GABRA3: variants seen among roughly 807,000 people sequenced by gnomAD.
The protein encoded by GABRA3 is gamma-aminobutyric acid receptor subunit alpha-3.
Under a neutral mutation model 30.1 loss-of-function variants are expected in GABRA3, and 10 were observed. The ratio of observed to expected loss-of-function variants is 0.33; its 90% CI spans 0.20 to 0.56. The LOEUF (loss-of-function observed/expected upper bound fraction) is 0.56. Ranked by LOEUF, GABRA3 falls within the 20% of genes least tolerant of loss-of-function variation. The pLI is 0.89. For synonymous variants in GABRA3, 151 were observed against 146.8 expected, an observed-to-expected ratio of 1.03 and a Z score of -0.21; for missense variants, 233 against 392.0, an observed-to-expected ratio of 0.59 and a Z score of 3.42.
At chrX:152,384,218 T>C (rs1385944994) in intron 1 of GABRA3, among the ~76,000 whole-genome samples, 3 of 111,119 alleles carry the variant, frequency 2.7e-5, no homozygotes, top group East Asian at 2.8e-4. Flanking sequence ...ATTAAAGACA[T>C]TGAAGAAAAC....
At chrX:152,321,955 A>C (rs1279378884) in intron 3 of GABRA3, among the ~76,000 whole-genome samples, 1 of 111,927 alleles carries the variant, frequency 8.9e-6, no homozygotes, top group Non-Finnish European at 1.9e-5. Context: ...ACATTTAATC[A>C]TAGAATTGCT....
chrX:152,307,306 T>C (rs764515959), intron 3 of GABRA3, among the ~76,000 whole-genome samples: 17 of 112,099 alleles, frequency 1.5e-4, no homozygotes, highest in Non-Finnish European at 2.6e-4. Context: ...ATCTAAATGC[T>C]AGTTATCACC....
Position 152,231,933 on chromosome X carries a change from C to T in GABRA3, c.552-7088G>A, listed in dbSNP as rs757563735. 9.8e-5 allele frequency among the ~76,000 whole-genome samples: 11 copies of T among 111,694 alleles called. No individual in the cohort carries two copies. In the South Asian group the frequency reaches 2.6e-3, roughly 26 times the overall value. The stretch of plus-strand genomic sequence containing the variant: ...GTCGCACACTGTATGATTCCATTCA[C>T]ATGACATGTCCAAGAAAGACGAATC... On this transcript the variant is annotated intron_variant, in intron 5 of 9. Coordinates refer to ENST00000370314, the MANE Select transcript of GABRA3 (RefSeq NM_000808.4).
At position 152,379,052 on chromosome X, in the gene GABRA3, TAGAG is replaced by T. The variant is rs200845946; in HGVS notation, c.-26-14460_-26-14457del. 4.5e-4 allele frequency among the ~76,000 whole-genome samples: 50 copies of T among 111,560 alleles called. No individual in the cohort carries two copies. In the East Asian group the frequency reaches 0.014, roughly 30 times the overall value. ...ATATCTCTTTCAGAAATTAACGTAT[TAGAG>T]AGATTAAAGAAGTTAGGACAGATAC... On this transcript the variant is annotated intron_variant, in intron 1 of 9. Transcript: ENST00000370314.
At chrX:152,418,703 T>A (rs1197262272) in intron 1 of GABRA3, among the ~76,000 whole-genome samples, 1 of 111,404 alleles carries the variant, frequency 9.0e-6, no homozygotes, top group East Asian at 2.8e-4. Flanking sequence ...AAATCTGTAA[T>A]AAAGAGGCCC....
At chrX:152,251,129 A>C (rs1938546362) in intron 5 of GABRA3, 1 of 332,901 alleles carries the variant, frequency 3.0e-6, no homozygotes, top group African/African-American at 2.7e-5. Context: ...CTGTGTAGGA[A>C]ACCGATGGCT....
chrX:152,403,384 TATA>T (rs1929841139), intron 1 of GABRA3, among the ~76,000 whole-genome samples: 1 of 102,903 alleles, frequency 9.7e-6, no homozygotes, highest in Non-Finnish European at 1.9e-5. Flanking sequence ...AACTTAGAAA[TATA>T]TATAACAAAA....
At chrX:152,176,644 G>A (rs775862226) in intron 9 of GABRA3, among the ~76,000 whole-genome samples, 1 of 111,604 alleles carries the variant, frequency 9.0e-6, no homozygotes, top group African/African-American at 3.3e-5. Flanking sequence ...AGCAGGTTTA[G>A]GGGGAAGATG....
intron 6 of GABRA3, among the ~76,000 whole-genome samples, chrX:152,220,582 G>C (rs1937813713): frequency 9.0e-6 from 1 of 111,480 alleles, no homozygotes; most frequent in African/African-American, 3.3e-5. Flanking sequence ...GACTAGAGAT[G>C]CAAAGTTGTA....
chrX:152,352,615 A>G (rs1247275407), intron 2 of GABRA3, among the ~76,000 whole-genome samples: 1 of 111,787 alleles, frequency 8.9e-6, no homozygotes, highest in African/African-American at 3.2e-5. Flanking sequence ...CCCAAAGAGG[A>G]AAGATACTTA....
chrX:152,391,196 T>C (rs972721747), intron 1 of GABRA3, among the ~76,000 whole-genome samples: 1 of 111,921 alleles, frequency 8.9e-6, no homozygotes, highest in Non-Finnish European at 1.9e-5. Context: ...CTGTTATTCA[T>C]GATACAGATG....
intron 8 of GABRA3, among the ~76,000 whole-genome samples, chrX:152,197,309 T>C (rs1005982405): frequency 8.9e-6 from 1 of 111,832 alleles, no homozygotes; most frequent in African/African-American, 3.3e-5. Context: ...TCAGACAGCT[T>C]GGTTTCTAAC....
intron 5 of GABRA3, among the ~76,000 whole-genome samples, chrX:152,241,692 G>C (rs1330439708): frequency 2.7e-5 from 3 of 109,402 alleles, no homozygotes; most frequent in African/African-American, 6.6e-5. Flanking sequence ...GCCAGGTGTG[G>C]GATATAGTCT....
chrX:152,319,756 G>A (rs1016123203), intron 3 of GABRA3, among the ~76,000 whole-genome samples: 1 of 110,817 alleles, frequency 9.0e-6, no homozygotes, highest in Non-Finnish European at 1.9e-5. Context: ...AGATCTGTAC[G>A]GTAAAAGGGA....
chrX:152,197,923 C>G, intron 7 of GABRA3, 138 bp from the exon 8 acceptor site: 2 of 428,731 alleles, frequency 4.7e-6, no homozygotes, highest in Non-Finnish European at 7.7e-6. Flanking sequence ...AACTAGAGCC[C>G]TTTAATAATC....
chrX:152,372,312 TC>T (rs1249467648), intron 1 of GABRA3, among the ~76,000 whole-genome samples: 1 of 111,707 alleles, frequency 9.0e-6, no homozygotes, highest in Non-Finnish European at 1.9e-5. Flanking sequence ...CTTTCTACTT[TC>T]GGTCTCCCCT....
intron 7 of GABRA3, among the ~76,000 whole-genome samples, chrX:152,199,092 G>A (rs1376968285): frequency 5.4e-5 from 6 of 111,309 alleles, no homozygotes; most frequent in Non-Finnish European, 1.1e-4. Flanking sequence ...GCTGGGTGCG[G>A]TGGCTCAAGC....
At chrX:152,383,489 G>A (rs1929206700) in intron 1 of GABRA3, among the ~76,000 whole-genome samples, 1 of 107,307 alleles carries the variant, frequency 9.3e-6, no homozygotes, top group Admixed American at 1.0e-4. Context: ...CAAAACATTA[G>A]CAAAGCAAAT....
Position 152,444,728 on chromosome X carries a change from TTG to T in GABRA3, c.-27+6416_-27+6417del, listed in dbSNP as rs200838552. Reference sequence around the variant, plus strand: ...TTCCCTTAAAAACTATATATAATACTTGTGTGTTTTTTTTTTTTTGTTTTTTT... The same window carrying T: ...TTCCCTTAAAAACTATATATAATACTTGTGTTTTTTTTTTTTTGTTTTTTT... On this transcript the variant is annotated intron_variant, in intron 1 of 9. Coordinates refer to ENST00000370314, the MANE Select transcript of GABRA3 (RefSeq NM_000808.4). Among the ~76,000 whole-genome samples the T allele has an allele frequency of 4.6e-3, 102 of 22,352 alleles. 10 individuals carry two copies. The highest frequency in any genetic ancestry group is 6.4e-3 in the Non-Finnish European group (92 of 14,455). The allele number at this position is 22,352 out of a possible 115,157, so 19.4% of individuals were successfully genotyped here. A position where few individuals can be genotyped will look rare whatever the true frequency, so the allele number is the denominator to read the frequency against.
Sources: gnomAD v4.1 joint callset for allele counts (sites outside exome capture counted in the v4.1 genomes callset) on GRCh38, gnomAD v4.1.1 for gene constraint, MANE v1.5 for transcripts, NCBI Gene and HGNC (gene_info 2026-07-23, HGNC 2026-07-21) for gene names.